SLC24A2: variants seen among roughly 807,000 people sequenced by gnomAD.
SLC24A2 encodes solute carrier family 24 member 2.
A neutral mutation model predicts 62.0 loss-of-function variants in SLC24A2; 36 were observed. The observed-to-expected ratio is 0.58, with a 90% CI of 0.44 to 0.77. The LOEUF (loss-of-function observed/expected upper bound fraction) is 0.77. SLC24A2 is among the 30% of genes least tolerant of loss of function. The pLI, the probability that SLC24A2 is intolerant of heterozygous loss-of-function variation, is 0.00. For synonymous variants in SLC24A2, 358 were observed against 294.0 expected (o/e 1.22, Z -2.23); for missense variants, 846 against 817.9 (o/e 1.03, Z -0.42).
At chr9:20,062,221 C>T in the SLC24A2 span, among the ~76,000 whole-genome samples, 1 of 152,080 alleles carries the variant, frequency 6.6e-6, no homozygotes, top group African/African-American at 2.4e-5. Context: ...AGAGAAAGAC[C>T]TTCTCTCGAA....
At chr9:20,014,057 A>T in the SLC24A2 span, among the ~76,000 whole-genome samples, 1 of 152,068 alleles carries the variant, frequency 6.6e-6, no homozygotes, top group East Asian at 1.9e-4. Context: ...AAAATTTAAA[A>T]ATTAGCAGGG....
At chr9:19,853,523 G>T in the SLC24A2 span, among the ~76,000 whole-genome samples, 1 of 152,178 alleles carries the variant, frequency 6.6e-6, no homozygotes, top group Non-Finnish European at 1.5e-5. Flanking sequence ...ATGAAGGGAT[G>T]TTGAATTTTA....
At chr9:19,691,663 C>A (rs2118467480) in intron 2 of SLC24A2, among the ~76,000 whole-genome samples, 1 of 152,186 alleles carries the variant, frequency 6.6e-6, no homozygotes, top group Non-Finnish European at 1.5e-5. Context: ...AGTACAGAAC[C>A]AGTTATATAC....
At chr9:20,148,376 T>TC in the SLC24A2 span, among the ~76,000 whole-genome samples, 1 of 152,078 alleles carries the variant, frequency 6.6e-6, no homozygotes, top group Non-Finnish European at 1.5e-5. Context: ...GGTGTCTGTT[T>TC]CCAAGTAGGT....
At chr9:19,739,023 A>G (rs1821594666) in intron 2 of SLC24A2, among the ~76,000 whole-genome samples, 1 of 152,134 alleles carries the variant, frequency 6.6e-6, no homozygotes, top group South Asian at 2.1e-4. Context: ...AGGCTGAGGC[A>G]GAAGAATCAC....
the SLC24A2 span, among the ~76,000 whole-genome samples, chr9:19,919,139 C>T: frequency 1.3e-3 from 200 of 152,206 alleles, no homozygotes; most frequent in Middle Eastern, 0.01. Context: ...GAGCTTGCTT[C>T]GGGGAAATGA....
At chr9:19,863,840 C>G in the SLC24A2 span, among the ~76,000 whole-genome samples, 1 of 151,126 alleles carries the variant, frequency 6.6e-6, no homozygotes, top group African/African-American at 2.4e-5. Context: ...AATAATAAAG[C>G]TCAGAGCAGA....
chr9:20,023,396 AAG>A, the SLC24A2 span, among the ~76,000 whole-genome samples: 9 of 152,196 alleles, frequency 5.9e-5, no homozygotes, highest in South Asian at 4.1e-4. Flanking sequence ...TAATAGAGAA[AAG>A]AGAGAGAATT....
At chr9:19,697,000 A>T (rs1376076525) in intron 2 of SLC24A2, among the ~76,000 whole-genome samples, 4 of 152,146 alleles carry the variant, frequency 2.6e-5, no homozygotes, top group Non-Finnish European at 4.4e-5. Context: ...ATTTTCTTTT[A>T]AGTGTTCTTA....
chr9:19,542,233 C>T (rs1487963401), intron 8 of SLC24A2, among the ~76,000 whole-genome samples: 1 of 152,180 alleles, frequency 6.6e-6, no homozygotes. Context: ...CTCCTCCCTT[C>T]TCTCTGTTTG....
At chr9:19,820,401 C>A in the SLC24A2 span, among the ~76,000 whole-genome samples, 1 of 150,168 alleles carries the variant, frequency 6.7e-6, no homozygotes, top group African/African-American at 2.4e-5. Context: ...ACTCATGTAA[C>A]CAAATACCAC....
the SLC24A2 span, among the ~76,000 whole-genome samples, chr9:19,912,897 T>G: frequency 6.6e-6 from 1 of 152,130 alleles, no homozygotes; most frequent in South Asian, 2.1e-4. Flanking sequence ...ATATCCAACT[T>G]TTCCCTCAAC....
At chr9:19,708,493 T>C (rs1269239207) in intron 2 of SLC24A2, among the ~76,000 whole-genome samples, 4 of 152,224 alleles carry the variant, frequency 2.6e-5, no homozygotes, top group Non-Finnish European at 5.9e-5. Context: ...TCACGCTACC[T>C]GACTTCAAAC....
chr9:20,266,844 G>A, the SLC24A2 span, among the ~76,000 whole-genome samples: 5 of 152,132 alleles, frequency 3.3e-5, no homozygotes, highest in Non-Finnish European at 7.4e-5. Context: ...TTGGGAGGCT[G>A]AGGCAGGAGG....
rs533434872 is a variant in SLC24A2 at position 19,784,275 on chromosome 9, C to T, written c.930+1662G>A. 2.6e-5 allele frequency among the ~76,000 whole-genome samples: 4 copies of T among 152,282 alleles called. No homozygotes were observed. The South Asian group carries it at 8.3e-4, about 32-fold the overall frequency. On this transcript the variant is annotated intron_variant, in intron 2 of 10. Transcript: ENST00000341998. The stretch of plus-strand genomic sequence containing the variant: ...CCACTCCACTAAACCATCTTCCACC[C>T]CACTAAAATCAGAATACAAAATCCT...
chr9:20,096,119 CCGT>C, the SLC24A2 span, among the ~76,000 whole-genome samples: 2 of 150,376 alleles, frequency 1.3e-5, no homozygotes, highest in African/African-American at 4.9e-5. Flanking sequence ...GTCCGTCCGT[CCGT>C]CCATCCTATT....
chr9:20,013,936 C>T, the SLC24A2 span, among the ~76,000 whole-genome samples: 7 of 152,174 alleles, frequency 4.6e-5, no homozygotes, highest in Admixed American at 3.3e-4. Flanking sequence ...TGGCTGGGCA[C>T]AGTGGTTCAT....
the SLC24A2 span, among the ~76,000 whole-genome samples, chr9:19,973,909 T>C: frequency 6.6e-6 from 1 of 152,192 alleles, no homozygotes; most frequent in African/African-American, 2.4e-5. Context: ...AATGTTTGCA[T>C]GTTTTGTTTC....
the SLC24A2 span, among the ~76,000 whole-genome samples, chr9:20,238,470 A>C: frequency 7.3e-3 from 1,113 of 152,332 alleles, 11 homozygotes; most frequent in African/African-American, 0.025. Flanking sequence ...AAAGAAAGCA[A>C]AGGGGTTCAT....
Sources: allele counts gnomAD v4.1 joint callset (sites outside exome capture counted in the v4.1 genomes callset), GRCh38; gene constraint gnomAD v4.1.1; transcripts MANE v1.5; gene names NCBI Gene and HGNC (gene_info 2026-07-23, HGNC 2026-07-21).